Variants in SLC9A9 observed in about 807,000 individuals in gnomAD.
SLC9A9 encodes sodium/hydrogen exchanger 9.
A neutral mutation model predicts 77.8 loss-of-function variants in SLC9A9; 62 were observed. The ratio of observed to expected loss-of-function variants is 0.80; its 90% CI spans 0.65 to 0.98. SLC9A9 has a LOEUF of 0.98. Ranked by LOEUF, SLC9A9 falls within the 50% of genes least tolerant of loss-of-function variation. SLC9A9 has a pLI of 0.00. For missense variants in SLC9A9, 775 were observed against 774.9 expected (o/e 1.00, Z 0.00); for synonymous variants, 320 against 283.5 (o/e 1.13, Z -1.29).
intron 5 of SLC9A9, among the ~76,000 whole-genome samples, chr3:143,657,978 T>C (rs1038951769): frequency 6.6e-6 from 1 of 152,178 alleles, no homozygotes; most frequent in African/African-American, 2.4e-5. Context: ...GTGATTCTCC[T>C]GCCTAAGCCT....
At chr3:143,488,015 A>G (rs1389268442) in intron 11 of SLC9A9, among the ~76,000 whole-genome samples, 1 of 151,862 alleles carries the variant, frequency 6.6e-6, no homozygotes, top group Non-Finnish European at 1.5e-5. Context: ...GAAAAAAGAG[A>G]GAAGATTCAA....
intron 13 of SLC9A9, among the ~76,000 whole-genome samples, chr3:143,369,006 T>C (rs919108383): frequency 1.3e-5 from 2 of 152,132 alleles, no homozygotes; most frequent in South Asian, 2.1e-4. Flanking sequence ...ACCAGGAAGA[T>C]AGAGTCAGAA....
In SLC9A9 at chr3:143,560,318, T is replaced by C. The variant is rs1359080460; in HGVS notation, c.1001-7868A>G. On this transcript the variant is annotated intron_variant, in intron 8 of 15. Coordinates refer to ENST00000316549, the MANE Select transcript of SLC9A9 (RefSeq NM_173653.4). Reference sequence around the variant, plus strand: ...GGTATCAACTCACCCTTGCTAAGAGTTGGCTCTGACCTTGTATGTCCCCAA... The same window carrying C: ...GGTATCAACTCACCCTTGCTAAGAGCTGGCTCTGACCTTGTATGTCCCCAA... Among the ~76,000 whole-genome samples the C allele has an allele frequency of 2.0e-5, 3 of 152,254 alleles. No individual in the cohort carries two copies. In the East Asian group the frequency reaches 5.8e-4, roughly 29 times the overall value.
chr3:143,556,562 C>A (rs1037526750), intron 8 of SLC9A9, among the ~76,000 whole-genome samples: 1 of 152,198 alleles, frequency 6.6e-6, no homozygotes, highest in Non-Finnish European at 1.5e-5. Context: ...TGGATCCTAG[C>A]CCAGTGGTTG....
At chr3:143,570,412 C>T (rs1271265103) in intron 8 of SLC9A9, among the ~76,000 whole-genome samples, 1 of 152,008 alleles carries the variant, frequency 6.6e-6, no homozygotes, top group African/African-American at 2.4e-5. Flanking sequence ...CAAGGGGATA[C>T]AAATTTTCTA....
At chr3:143,470,480 C>CAAAAAAA (rs11312589) in intron 11 of SLC9A9, among the ~76,000 whole-genome samples, 1 of 135,882 alleles carries the variant, frequency 7.4e-6, no homozygotes, top group Middle Eastern at 4.1e-3. Flanking sequence ...AATTCTGGCT[C>CAAAAAAA]AAAAAAAAAA....
intron 6 of SLC9A9, among the ~76,000 whole-genome samples, chr3:143,590,054 T>G (rs1364358849): frequency 2.6e-5 from 4 of 152,172 alleles, no homozygotes; most frequent in African/African-American, 9.7e-5. Flanking sequence ...AATGGAGACC[T>G]CTCCTCTATA....
At chr3:143,722,093 A>C (rs1174770633) in intron 4 of SLC9A9, among the ~76,000 whole-genome samples, 3 of 152,194 alleles carry the variant, frequency 2.0e-5, no homozygotes, top group African/African-American at 7.2e-5. Flanking sequence ...ATGGGGGAGA[A>C]GTGTATCAAA....
intron 4 of SLC9A9, among the ~76,000 whole-genome samples, chr3:143,748,422 T>G (rs914900825): frequency 6.6e-6 from 1 of 152,224 alleles, no homozygotes; most frequent in African/African-American, 2.4e-5. Context: ...GGACCTCAAC[T>G]GGCTGCCCTC....
intron 6 of SLC9A9, among the ~76,000 whole-genome samples, chr3:143,581,139 G>T (rs2037445067): frequency 2.0e-5 from 3 of 152,288 alleles, no homozygotes; most frequent in South Asian, 2.1e-4. Context: ...TAGAATAAAG[G>T]AGGTGGCATT....
chr3:143,589,243 A>G (rs972815217), intron 6 of SLC9A9, among the ~76,000 whole-genome samples: 3 of 152,200 alleles, frequency 2.0e-5, no homozygotes, highest in African/African-American at 7.2e-5. Context: ...GTAAACCCCA[A>G]AGAAGGTGCT....
Position 143,667,297 on chromosome 3 carries a change from G to C in SLC9A9, c.650-14937C>G, listed in dbSNP as rs552539248. Among the ~76,000 whole-genome samples, 560 of 152,186 alleles carry C rather than the reference G, an allele frequency of 3.7e-3. 2 individuals are homozygous for C. The highest frequency in any genetic ancestry group is 6.2e-3 in the Non-Finnish European group (424 of 68,008). Reference sequence around the variant, plus strand: ...AGCCATATGTAGAAAGCTGAAACTGGATCCCTTCCTTACACCTTATACAAA... The same window carrying C: ...AGCCATATGTAGAAAGCTGAAACTGCATCCCTTCCTTACACCTTATACAAA... On this transcript the variant is annotated intron_variant, in intron 5 of 15. Transcript: ENST00000316549.
intron 6 of SLC9A9, among the ~76,000 whole-genome samples, chr3:143,602,474 G>C (rs1237854174): frequency 6.6e-6 from 1 of 152,170 alleles, no homozygotes; most frequent in Non-Finnish European, 1.5e-5. Context: ...CAAGGACTTA[G>C]TTAATTTTAA....
chr3:143,436,497 G>A (rs958718026), intron 12 of SLC9A9, among the ~76,000 whole-genome samples: 1 of 152,174 alleles, frequency 6.6e-6, no homozygotes, highest in East Asian at 1.9e-4. Context: ...GTGAGTTACT[G>A]TTCTGTTCTA....
chr3:143,411,061 G>C (rs565981112), intron 12 of SLC9A9, among the ~76,000 whole-genome samples: 37 of 152,246 alleles, frequency 2.4e-4, no homozygotes, highest in African/African-American at 7.7e-4. Flanking sequence ...GCTGGATGTA[G>C]AATTTTAGAA....
intron 9 of SLC9A9, among the ~76,000 whole-genome samples, chr3:143,551,576 T>G (rs1338507895): frequency 6.6e-6 from 1 of 152,244 alleles, no homozygotes; most frequent in Non-Finnish European, 1.5e-5. Flanking sequence ...CTTCTATTTA[T>G]ATTTCAAGCT....
At chr3:143,371,113 G>T (rs2033048700) in intron 13 of SLC9A9, among the ~76,000 whole-genome samples, 1 of 152,050 alleles carries the variant, frequency 6.6e-6, no homozygotes, top group South Asian at 2.1e-4. Context: ...TTATGTCCTT[G>T]GTTGAACACT....
chr3:143,350,920 G>A (rs114650988), intron 14 of SLC9A9, among the ~76,000 whole-genome samples: 1,981 of 152,168 alleles, frequency 0.013, 19 homozygotes, highest in Non-Finnish European at 0.017. Context: ...AGTTCAGCTC[G>A]AATCTACCAA....
chr3:143,664,269 C>T (rs1213508877), intron 5 of SLC9A9, among the ~76,000 whole-genome samples: 1 of 152,190 alleles, frequency 6.6e-6, no homozygotes, highest in Non-Finnish European at 1.5e-5. Flanking sequence ...CCTTTCCAGA[C>T]AAGCAAATGC....
Sources: gnomAD v4.1 joint callset for allele counts (sites outside exome capture counted in the v4.1 genomes callset) on GRCh38, gnomAD v4.1.1 for gene constraint, MANE v1.5 for transcripts, NCBI Gene and HGNC (gene_info 2026-07-23, HGNC 2026-07-21) for gene names.